SLC16A7: variants seen among roughly 807,000 people sequenced by gnomAD.
The protein encoded by SLC16A7 is solute carrier family 16 member 7.
SLC16A7 carries 33 observed loss-of-function variants against 34.9 expected under a neutral mutation model. The observed-to-expected ratio is 0.94, with a 90% CI of 0.72 to 1.26. The LOEUF is 1.26. SLC16A7 is among the 50% of genes most tolerant of loss of function. The pLI is 0.00. For synonymous variants in SLC16A7, 201 were observed against 206.6 expected, an observed-to-expected ratio of 0.97 and a Z score of 0.23; for missense variants, 573 against 578.1, an observed-to-expected ratio of 0.99 and a Z score of 0.09.
intron 1 of SLC16A7, among the ~76,000 whole-genome samples, chr12:59,634,483 G>T (rs981649804): frequency 6.6e-6 from 1 of 152,026 alleles, no homozygotes; most frequent in Non-Finnish European, 1.5e-5. Context: ...GTAGGGGTTA[G>T]TAGGTGGAAA....
chr12:59,668,552 A>G (rs1869404918), intron 2 of SLC16A7, among the ~76,000 whole-genome samples: 1 of 152,116 alleles, frequency 6.6e-6, no homozygotes, highest in African/African-American at 2.4e-5. Flanking sequence ...TCTGCACCCC[A>G]GTTGTATCTA....
At chr12:59,609,665 TC>T (rs1218844577) in intron 1 of SLC16A7, among the ~76,000 whole-genome samples, 3 of 152,198 alleles carry the variant, frequency 2.0e-5, no homozygotes, top group African/African-American at 7.2e-5. Flanking sequence ...CTTTTAAAAA[TC>T]TATGAGCTAT....
In SLC16A7 at chr12:59,704,861, G is replaced by C; in HGVS notation, c.60G>C (p.Trp20Cys). ...VHPPPDGGWG[W>C]IVVGAAFISI... ...CACCTCCAGATGGAGGATGGGGTTG[G>C]ATTGTGGTTGGAGCAGCTTTTATCT... Residue 20 changes from tryptophan (W) to cysteine (C), a missense_variant, in exon 3 of 6, where the codon TGG (tryptophan) becomes TGC (cysteine). Physicochemically the swap from Trp to Cys is radical, Grantham distance 215. Coordinates refer to ENST00000547379, the MANE Select transcript of SLC16A7 (RefSeq NM_001270623.2). 6.2e-7 allele frequency: 1 copy of C among 1,613,900 alleles called. No individual in the cohort carries two copies. Among genetic ancestry groups the C allele is most frequent in the Non-Finnish European group, 8.5e-7 (1 of 1,179,894 alleles).
At chr12:59,741,378 T>C (rs1249697569) in intron 3 of SLC16A7, among the ~76,000 whole-genome samples, 1 of 152,142 alleles carries the variant, frequency 6.6e-6, no homozygotes, top group East Asian at 1.9e-4. Flanking sequence ...AGGAACAAAC[T>C]TTTCACAGCT....
chr12:59,734,603 G>A (rs545506558), intron 3 of SLC16A7, among the ~76,000 whole-genome samples: 2 of 152,212 alleles, frequency 1.3e-5, no homozygotes, highest in Non-Finnish European at 2.9e-5. Context: ...GGCCCCTGCC[G>A]GCTTTGCACA....
intron 1 of SLC16A7, among the ~76,000 whole-genome samples, chr12:59,647,914 G>A (rs1322561146): frequency 6.6e-6 from 1 of 151,988 alleles, no homozygotes; most frequent in Non-Finnish European, 1.5e-5. Flanking sequence ...TTAGCCAGAT[G>A]TGGTGGAACA....
intron 2 of SLC16A7, among the ~76,000 whole-genome samples, chr12:59,680,017 A>G (rs954861256): frequency 6.6e-6 from 1 of 152,184 alleles, no homozygotes; most frequent in Non-Finnish European, 1.5e-5. Context: ...TGCAATGCTC[A>G]TGTGTTTTTC....
At chr12:59,770,967 G>T (rs994316727) in intron 3 of SLC16A7, among the ~76,000 whole-genome samples, 1 of 151,910 alleles carries the variant, frequency 6.6e-6, no homozygotes, top group Non-Finnish European at 1.5e-5. Context: ...AATGATTATG[G>T]TTACAACGAA....
intron 3 of SLC16A7, among the ~76,000 whole-genome samples, chr12:59,738,074 G>A (rs970141942): frequency 4.6e-5 from 7 of 152,028 alleles, no homozygotes; most frequent in Non-Finnish European, 7.4e-5. Context: ...CATTCTCATG[G>A]TGCTTTATCA....
chr12:59,729,953 T>C (rs1876737869), intron 3 of SLC16A7, among the ~76,000 whole-genome samples: 1 of 152,206 alleles, frequency 6.6e-6, no homozygotes, highest in Admixed American at 6.5e-5. Context: ...TAAAACTTAA[T>C]GAGCATCTCT....
At chr12:59,614,395 A>G (rs1462119492) in intron 1 of SLC16A7, among the ~76,000 whole-genome samples, 2 of 152,168 alleles carry the variant, frequency 1.3e-5, no homozygotes, top group Non-Finnish European at 2.9e-5. Flanking sequence ...CTTGTAATCA[A>G]ATCATTAATG....
At chr12:59,631,375 G>A (rs1260247442) in intron 1 of SLC16A7, among the ~76,000 whole-genome samples, 1 of 151,868 alleles carries the variant, frequency 6.6e-6, no homozygotes, top group Non-Finnish European at 1.5e-5. Context: ...ATATCTGCTA[G>A]GAAAAGAGCA....
chr12:59,693,720 T>C (rs1360151803), intron 2 of SLC16A7, among the ~76,000 whole-genome samples: 2 of 151,944 alleles, frequency 1.3e-5, no homozygotes, highest in African/African-American at 2.4e-5. Context: ...TAAATTCTGA[T>C]GAACAAGACC....
intron 3 of SLC16A7, among the ~76,000 whole-genome samples, chr12:59,766,101 G>T (rs1881594382): frequency 6.6e-6 from 1 of 152,172 alleles, no homozygotes; most frequent in African/African-American, 2.4e-5. Context: ...AAGCAATTGT[G>T]AATGGAAGTT....
chr12:59,709,937 T>C (rs933558643), intron 3 of SLC16A7, among the ~76,000 whole-genome samples: 8 of 151,522 alleles, frequency 5.3e-5, no homozygotes, highest in Non-Finnish European at 1.5e-5. Context: ...CTGGACAAGG[T>C]GGTTTGATCT....
At position 59,774,686 on chromosome 12, in the gene SLC16A7, G is replaced by A. The variant is rs543596862; in HGVS notation, c.391G>A (p.Ala131Thr). The change falls in exon 5 of 6, where the codon GCC becomes ACC. Residue 131 changes from alanine (A) to threonine (T), a missense_variant. Transcript: ENST00000547379. ...AGGTTTAGCCTTCAACCTGCAACCC[G>A]CCTTAACCATAATTGGCAAATACTT... The part of the protein sequence containing the change: ...GLGLAFNLQP[A>T]LTIIGKYFYR... 20 of 1,600,342 alleles carry A rather than the reference G, an allele frequency of 1.2e-5. No homozygotes were observed. The East Asian group carries it at 1.8e-4, about 14-fold the overall frequency.
intron 1 of SLC16A7, among the ~76,000 whole-genome samples, chr12:59,615,814 T>A (rs1401862059): frequency 6.6e-6 from 1 of 152,174 alleles, no homozygotes; most frequent in Non-Finnish European, 1.5e-5. Context: ...TCATGAGAGA[T>A]GTGAATTTAT....
Position 59,786,613 on chromosome 12 carries a change from T to C in SLC16A7, c.*6934T>C, listed in dbSNP as rs1236447742. On this transcript the variant is annotated 3_prime_UTR_variant, in exon 6 of 6. Coordinates refer to ENST00000547379, the MANE Select transcript of SLC16A7 (RefSeq NM_001270623.2). ...TTGTATTTTGATTTGTTTTGATATA[T>C]TTATGTCTCAGAAGATATGTTTAAT... The C allele has an allele frequency of 6.6e-6, 1 of 152,204 alleles. No individual in the cohort carries two copies. The highest frequency in any genetic ancestry group is 1.5e-5 in the Non-Finnish European group (1 of 68,016). 9.4% of individuals were successfully genotyped at this position (152,204 alleles called of 1,614,324 possible). A position where few individuals can be genotyped will look rare whatever the true frequency, so the allele number is the denominator to read the frequency against.
At chr12:59,672,996 C>T (rs1870014325) in intron 2 of SLC16A7, among the ~76,000 whole-genome samples, 1 of 152,096 alleles carries the variant, frequency 6.6e-6, no homozygotes, top group South Asian at 2.1e-4. Context: ...AGCTATTTGA[C>T]CTGAGCTTTA....
Sources: gnomAD v4.1 joint callset for allele counts (sites outside exome capture counted in the v4.1 genomes callset) on GRCh38, gnomAD v4.1.1 for gene constraint, MANE v1.5 for transcripts, NCBI Gene and HGNC (gene_info 2026-07-23, HGNC 2026-07-21) for gene names.